Variants in ASTN1 observed in about 807,000 individuals in gnomAD.
ASTN1 encodes astrotactin 1.
A neutral mutation model predicts 140.7 loss-of-function variants in ASTN1; 41 were observed. That is an observed-to-expected ratio of 0.29 (90% confidence interval 0.23 to 0.38). ASTN1 has a LOEUF of 0.38. ASTN1 is among the 10% of genes least tolerant of loss of function. The probability of loss-of-function intolerance (pLI) is 1.00; values close to 1 mark genes in which losing one functional copy is unlikely to be tolerated. For missense variants in ASTN1, 1,479 were observed against 1,678.8 expected, an observed-to-expected ratio of 0.88 and a Z score of 2.08; for synonymous variants, 640 against 652.2, an observed-to-expected ratio of 0.98 and a Z score of 0.29.
At chr1:177,135,253 G>C (rs547597592) in intron 1 of ASTN1, among the ~76,000 whole-genome samples, 3 of 152,042 alleles carry the variant, frequency 2.0e-5, no homozygotes, top group African/African-American at 7.2e-5. Flanking sequence ...ACCAAGGTTA[G>C]ATCCTAGTTA....
At chr1:177,064,088 A>G (rs984128466) in intron 1 of ASTN1, among the ~76,000 whole-genome samples, 3 of 152,106 alleles carry the variant, frequency 2.0e-5, no homozygotes, top group Non-Finnish European at 4.4e-5. Flanking sequence ...AGGTTCTTAG[A>G]CCAAGGTCAC....
At chr1:176,980,057 C>G (rs1018000570) in intron 8 of ASTN1, among the ~76,000 whole-genome samples, 1 of 152,112 alleles carries the variant, frequency 6.6e-6, no homozygotes, top group Admixed American at 6.5e-5. Context: ...GTCAAGGGAT[C>G]ACTTGACATT....
intron 1 of ASTN1, among the ~76,000 whole-genome samples, chr1:177,132,706 C>T (rs927791508): frequency 1.3e-5 from 2 of 152,190 alleles, no homozygotes; most frequent in Non-Finnish European, 2.9e-5. Context: ...TAAAATTCCA[C>T]TCTGCAAGCC....
At chr1:177,124,614 A>T (rs1428923616) in intron 1 of ASTN1, among the ~76,000 whole-genome samples, 1 of 152,202 alleles carries the variant, frequency 6.6e-6, no homozygotes, top group Non-Finnish European at 1.5e-5. Context: ...AACAGCTACC[A>T]CAGAAGCCAC....
In ASTN1 at chr1:177,133,278, T is replaced by C. The variant is rs532790757; in HGVS notation, c.283+31116A>G. 6.1e-4 allele frequency among the ~76,000 whole-genome samples: 93 copies of C among 152,364 alleles called. 1 individual carries two copies. The highest frequency in any genetic ancestry group is 2.1e-3 in the African/African-American group (89 of 41,592). Reference sequence around the variant, plus strand: ...AAAGAAAATCGAGGATCAGAGTAGTTGAGTAACTGGATAGCAGTCACTCAC... The same window carrying C: ...AAAGAAAATCGAGGATCAGAGTAGTCGAGTAACTGGATAGCAGTCACTCAC... On this transcript the variant is annotated intron_variant, in intron 1 of 22. Transcript: ENST00000361833.
At chr1:176,963,674 G>A (rs541837979) in intron 9 of ASTN1, among the ~76,000 whole-genome samples, 2 of 152,226 alleles carry the variant, frequency 1.3e-5, no homozygotes, top group Admixed American at 6.5e-5. Context: ...TAAGGCCCTT[G>A]TTTTTCAAAC....
chr1:177,033,920 C>T (rs544734501), intron 2 of ASTN1, among the ~76,000 whole-genome samples: 2 of 152,158 alleles, frequency 1.3e-5, no homozygotes, highest in South Asian at 4.2e-4. Flanking sequence ...GGGCATAAAT[C>T]TTCCCGTGCA....
chr1:176,861,010 T>G, downstream of ASTN1: 1 of 874,088 alleles, frequency 1.1e-6, no homozygotes, highest in Non-Finnish European at 1.4e-6. Flanking sequence ...ACAAGTTCCC[T>G]GATGAGTCTA....
chr1:177,081,128 T>A (rs1679160747), intron 1 of ASTN1, among the ~76,000 whole-genome samples: 1 of 152,152 alleles, frequency 6.6e-6, no homozygotes, highest in Non-Finnish European at 1.5e-5. Context: ...AATGCATTGG[T>A]GGTACCACTC....
At chr1:176,951,139 G>A (rs1672176476) in intron 11 of ASTN1, among the ~76,000 whole-genome samples, 1 of 152,258 alleles carries the variant, frequency 6.6e-6, no homozygotes, top group Non-Finnish European at 1.5e-5. Flanking sequence ...AAGGCAGCTG[G>A]AGTGCTGGAA....
intron 1 of ASTN1, among the ~76,000 whole-genome samples, chr1:177,064,408 A>G (rs778932284): frequency 6.6e-6 from 1 of 152,218 alleles, no homozygotes; most frequent in Non-Finnish European, 1.5e-5. Context: ...GTCTAATCCC[A>G]GAACACTCCA....
At chr1:176,940,813 A>T (rs1671683700) in intron 14 of ASTN1, among the ~76,000 whole-genome samples, 1 of 152,234 alleles carries the variant, frequency 6.6e-6, no homozygotes, top group African/African-American at 2.4e-5. Flanking sequence ...TGCAAGATAG[A>T]AATAGGTGTT....
At chr1:177,125,382 T>C (rs899104232) in intron 1 of ASTN1, among the ~76,000 whole-genome samples, 3 of 152,230 alleles carry the variant, frequency 2.0e-5, no homozygotes, top group Admixed American at 1.3e-4. Context: ...GTGGATTGAT[T>C]GCCCATTTAA....
intron 9 of ASTN1, among the ~76,000 whole-genome samples, chr1:176,963,538 TG>T (rs1672755036): frequency 6.6e-6 from 1 of 152,208 alleles, no homozygotes; most frequent in Non-Finnish European, 1.5e-5. Flanking sequence ...ACCACACAAC[TG>T]GCCCCCACTA....
At chr1:176,978,103 G>A (rs1673443977) in intron 8 of ASTN1, among the ~76,000 whole-genome samples, 1 of 152,180 alleles carries the variant, frequency 6.6e-6, no homozygotes, top group Admixed American at 6.5e-5. Context: ...CAGAAGGAAG[G>A]GAGGTTTGCT....
chr1:176,864,468 C>A lies in ASTN1; in HGVS notation c.3701G>T (p.Gly1234Val). The A allele has an allele frequency of 6.2e-7, 1 of 1,614,110 alleles. No homozygotes were observed. Among genetic ancestry groups the A allele is most frequent in the Non-Finnish European group, 8.5e-7 (1 of 1,180,024 alleles). Residue 1234 changes from glycine to valine, a missense_variant, in exon 23 of 23, where the codon GGA (glycine) becomes GTA (valine). By Grantham distance (109) the Gly-to-Val change is moderately radical. Around this residue, in one of 3 missense-constraint regions of ASTN1, gnomAD observed 746 missense variants for 800.9 expected, o/e 0.93. Transcript: ENST00000361833. Reference protein sequence around the residue: ...QLGDLSSWCNGLLQEPKISLR... With the variant: ...QLGDLSSWCNVLLQEPKISLR... ...GCTTATCTTGGGTTCCTGAAGGAGT[C>A]CATTGCACCAACTGCTGAGGTCCCC...
At chr1:177,158,680 G>A (rs925832434) in intron 1 of ASTN1, among the ~76,000 whole-genome samples, 2 of 151,628 alleles carry the variant, frequency 1.3e-5, no homozygotes, top group African/African-American at 2.4e-5. Flanking sequence ...GTGTGTGTGT[G>A]TGTGTGTGTG....
intron 1 of ASTN1, 53 bp downstream of exon 1, chr1:177,164,341 G>C (rs1305046836): frequency 1.4e-6 from 2 of 1,469,172 alleles, no homozygotes; most frequent in South Asian, 2.8e-5. Context: ...GGAGTGGGGG[G>C]TGGGGGCGCC....
chr1:177,023,530 T>C lies in ASTN1; in HGVS notation c.1312A>G (p.Ser438Gly), dbSNP rs1442937250. The change falls in exon 7 of 23, where the codon AGT (serine) becomes GGT (glycine). Residue 438 changes from serine to glycine, a missense_variant. Around this residue, in one of 3 missense-constraint regions of ASTN1, gnomAD observed 729 missense variants for 860.4 expected, o/e 0.85. Coordinates refer to ENST00000361833, the MANE Select transcript of ASTN1 (RefSeq NM_004319.3). ...ACTTGGGCAGGGTTCAGCCAGTCAC[T>C]GGCATCCAGCTGGCTCCCCTCCAGC... is the stretch of plus-strand genomic sequence containing the variant. Reference protein sequence around the residue: ...ILLEGSQLDASDWLNPAQVVL... With the variant: ...ILLEGSQLDAGDWLNPAQVVL... The C allele has an allele frequency of 1.9e-6, 3 of 1,605,432 alleles. No homozygotes were observed. Among genetic ancestry groups the C allele is most frequent in the East Asian group, 4.5e-5 (2 of 44,416 alleles).
Sources: gnomAD v4.1 joint callset for allele counts (sites outside exome capture counted in the v4.1 genomes callset) on GRCh38, gnomAD v4.1.1 for gene constraint, gnomAD v4.1.1 regional missense constraint, MANE v1.5 for transcripts, NCBI Gene and HGNC (gene_info 2026-07-23, HGNC 2026-07-21) for gene names.